Variants in DHRS12 observed in about 807,000 individuals in gnomAD.
DHRS12 encodes dehydrogenase/reductase SDR family member 12.
A neutral mutation model predicts 32.1 loss-of-function variants in DHRS12; 29 were observed. That is an observed-to-expected ratio of 0.90 (90% CI 0.67 to 1.23). The LOEUF is 1.23. DHRS12 is among the 50% of genes most tolerant of loss of function. The pLI is 0.00. For missense variants in DHRS12, 330 were observed against 337.2 expected (o/e 0.98, Z 0.17); for synonymous variants, 150 against 135.9 (o/e 1.10, Z -0.72).
intron 8 of DHRS12, 47 bp from the exon 9 acceptor site, chr13:51,768,343 G>A (rs1374456458): frequency 1.3e-6 from 2 of 1,534,254 alleles, no homozygotes; most frequent in Non-Finnish European, 1.7e-6. Flanking sequence ...GCTGCAGCGT[G>A]GCTGGGTCCA....
chr13:51,792,868 G>T (rs571200279), intron 2 of DHRS12, among the ~76,000 whole-genome samples: 2 of 151,554 alleles, frequency 1.3e-5, no homozygotes, highest in South Asian at 4.2e-4. Flanking sequence ...CACCCTATTC[G>T]TTTTAATGAC....
chr13:51,758,584 A>G, the DHRS12 span, among the ~76,000 whole-genome samples: 1 of 151,534 alleles, frequency 6.6e-6, no homozygotes, highest in African/African-American at 2.4e-5. Context: ...TTACCATTGA[A>G]GGTGAGTGTT....
At chr13:51,794,281 T>C (rs1593559260) in intron 2 of DHRS12, among the ~76,000 whole-genome samples, 2 of 152,176 alleles carry the variant, frequency 1.3e-5, no homozygotes, top group South Asian at 4.1e-4. Context: ...CCACCATCTA[T>C]AGCGGCTGTG....
intron 8 of DHRS12, 126 bp from the exon 9 acceptor site, chr13:51,768,422 C>A (rs964278369): frequency 4.8e-6 from 7 of 1,468,866 alleles, no homozygotes; most frequent in African/African-American, 2.8e-5. Flanking sequence ...CTGTTAGACC[C>A]CCATCCCTGC....
chr13:51,758,350 T>C, the DHRS12 span: 1 of 1,379,094 alleles, frequency 7.3e-7, no homozygotes, highest in East Asian at 2.4e-5. Flanking sequence ...CTCATATAAA[T>C]ATACAGGAGC....
downstream of DHRS12, chr13:51,767,988 A>C (rs1020760147): frequency 2.2e-6 from 3 of 1,383,292 alleles, no homozygotes; most frequent in Non-Finnish European, 2.8e-6. Flanking sequence ...AACCTGCTGC[A>C]GGAGTTCAAG....
chr13:51,770,935 C>G (rs1953981309), intron 7 of DHRS12: 1 of 1,270,988 alleles, frequency 7.9e-7, no homozygotes, highest in Non-Finnish European at 1.0e-6. Flanking sequence ...GATAAGCAAC[C>G]TTGTTTTCCC....
At chr13:51,771,516 G>T in intron 7 of DHRS12, 1 of 1,613,478 alleles carries the variant, frequency 6.2e-7, no homozygotes, top group Non-Finnish European at 8.5e-7. Context: ...AATGACAATG[G>T]TCACCGGCTC....
chr13:51,760,118 A>C, the DHRS12 span: 1 of 213,116 alleles, frequency 4.7e-6, no homozygotes, highest in Non-Finnish European at 9.4e-6. Flanking sequence ...CAGAGAAATA[A>C]GGGAGGTATC....
chr13:51,784,999 A>G (rs542457250), intron 4 of DHRS12, among the ~76,000 whole-genome samples: 5 of 152,350 alleles, frequency 3.3e-5, no homozygotes, highest in East Asian at 1.9e-4. Context: ...GGGCCAAGGC[A>G]GGTGGATCAC....
At chr13:51,799,806 T>C (rs1955669437) in intron 1 of DHRS12, 139 bp from the exon 2 acceptor site, 1 of 944,454 alleles carries the variant, frequency 1.1e-6, no homozygotes, top group South Asian at 1.8e-5. Context: ...CTTTCTCCCT[T>C]GCCCTCCCTG....
chr13:51,769,743 TTTCCTC>T (rs1423264551), intron 7 of DHRS12, among the ~76,000 whole-genome samples: 1 of 152,130 alleles, frequency 6.6e-6, no homozygotes, highest in Non-Finnish European at 1.5e-5. Context: ...GTTTTAGTGT[TTTCCTC>T]TTTTAGGGAG....
chr13:51,773,131 G>T (rs1365099108), intron 6 of DHRS12: 5 of 921,306 alleles, frequency 5.4e-6, no homozygotes, highest in Non-Finnish European at 6.5e-6. Context: ...AGCAGTACAG[G>T]TTGAGCATCC....
chr13:51,771,939 C>A (rs1954039577), intron 6 of DHRS12, 28 bp from the exon 7 acceptor site: 1 of 1,611,762 alleles, frequency 6.2e-7, no homozygotes, highest in Non-Finnish European at 8.5e-7. Context: ...AGGGGGTGAA[C>A]AGGAGAGAGG....
chr13:51,804,153 G>A lies in DHRS12; in HGVS notation c.-108C>T. 1 of 1,434,544 alleles carries A rather than the reference G, an allele frequency of 7.0e-7. No homozygotes were observed. Among genetic ancestry groups the A allele is most frequent in the South Asian group, 1.4e-5 (1 of 73,546 alleles). The allele number at this position is 1,434,544 out of a possible 1,614,324, so 88.9% of individuals were successfully genotyped here. On this transcript the variant is annotated 5_prime_UTR_variant, in exon 1 of 9. Transcript: ENST00000444610. ...CTAGCCCCACCGCGCTCCCGGCGCG[G>A]CCTCCGCCCTGGTCCCGCCCCCCGG...
At chr13:51,776,837 G>A (rs1298062389) in intron 5 of DHRS12, among the ~76,000 whole-genome samples, 4 of 152,024 alleles carry the variant, frequency 2.6e-5, no homozygotes, top group Admixed American at 1.3e-4. Flanking sequence ...CGTGACAGCC[G>A]GAGTGGGGGT....
rs193188482 is a variant in DHRS12 at position 51,781,698 on chromosome 13, G to C, written c.302-4577C>G. Among the ~76,000 whole-genome samples the C allele has an allele frequency of 5.6e-3, 860 of 152,312 alleles. 4 individuals carry two copies. Among genetic ancestry groups the C allele is most frequent in the African/African-American group, 0.02 (823 of 41,568 alleles). On this transcript the variant is annotated intron_variant, in intron 4 of 8. Transcript: ENST00000444610. ...CACAGCCTGTGCAAAGAGGCCCTGA[G>C]GCTGGAGAGTGCAACCAAGGCAGCT...
rs771964103 is a variant in DHRS12, at chr13:51,799,633, G to A, written c.27C>T (p.Ser9=). The change falls in exon 2 of 9, where the codon TCC becomes TCT. Residue 9 remains serine (S), a synonymous_variant. Transcript: ENST00000444610. ...GGAATCTGGACCTCCAAGTCATGAG[G>A]GACAAAGTCTTTACATGCAGATTCA... The part of the protein sequence containing the change: MNLHVKTL[S]LMTWRSRFLE... 20 of 1,614,080 alleles carry A rather than the reference G, an allele frequency of 1.2e-5. No homozygotes were observed. In the East Asian group the frequency reaches 4.0e-4, roughly 32 times the overall value.
chr13:51,794,362 G>A lies in DHRS12; in HGVS notation c.127-3105C>T, dbSNP rs997995270. Among the ~76,000 whole-genome samples, 10 of 152,184 alleles carry A rather than the reference G, an allele frequency of 6.6e-5. No individual in the cohort carries two copies. In the East Asian group the frequency reaches 1.2e-3, roughly 18 times the overall value. On this transcript the variant is annotated intron_variant, in intron 2 of 8. Transcript: ENST00000444610. ...TCAGAGCAGTTCCCACAATGAGCAC[G>A]GTAAACAGTGCATGGAGGTGTTTTG... is the stretch of plus-strand genomic sequence containing the variant.
Sources: allele counts gnomAD v4.1 joint callset (sites outside exome capture counted in the v4.1 genomes callset), GRCh38; gene constraint gnomAD v4.1.1; transcripts MANE v1.5; gene names NCBI Gene and HGNC (gene_info 2026-07-23, HGNC 2026-07-21).